PDE1C: variants seen among roughly 807,000 people sequenced by gnomAD.
PDE1C encodes dual specificity calcium/calmodulin-dependent 3',5'-cyclic nucleotide phosphodiesterase 1C.
In PDE1C, 62 loss-of-function variants were observed where a neutral mutation model predicts 93.1. The observed-to-expected ratio is 0.67, with a 90% confidence interval of 0.54 to 0.82. The LOEUF (loss-of-function observed/expected upper bound fraction) is 0.82, where lower values mean the gene tolerates loss of function less well. Among genes scored for constraint, PDE1C ranks in the 40% least tolerant of loss-of-function variants. The probability of loss-of-function intolerance (pLI) is 0.00; values close to 1 mark genes in which losing one functional copy is unlikely to be tolerated. For synonymous variants in PDE1C, 325 were observed against 310.1 expected (o/e 1.05, Z -0.50); for missense variants, 742 against 884.6 (o/e 0.84, Z 2.04).
intron 3 of PDE1C, among the ~76,000 whole-genome samples, chr7:32,125,376 C>A (rs537668652): frequency 6.6e-6 from 1 of 152,082 alleles, no homozygotes; most frequent in Non-Finnish European, 1.5e-5. Context: ...GGGTATATAC[C>A]CAAAAGAATA....
chr7:31,928,380 T>C (rs563309527), intron 2 of PDE1C, among the ~76,000 whole-genome samples: 22 of 152,142 alleles, frequency 1.4e-4, no homozygotes, highest in African/African-American at 5.3e-4. Context: ...TCCAGGAGAA[T>C]TTCCCCAACC....
chr7:32,240,886 G>A (rs537930954), intron 1 of PDE1C, among the ~76,000 whole-genome samples: 4 of 152,196 alleles, frequency 2.6e-5, no homozygotes, highest in Admixed American at 6.5e-5. Flanking sequence ...AAAAAGGAGA[G>A]CTGAAGGTGG....
intron 1 of PDE1C, among the ~76,000 whole-genome samples, chr7:32,376,945 C>T (rs1784442712): frequency 6.6e-6 from 1 of 152,118 alleles, no homozygotes; most frequent in African/African-American, 2.4e-5. Context: ...CCTCGGCCTC[C>T]CACAGTGCTG....
At chr7:31,673,913 G>T in the PDE1C span, among the ~76,000 whole-genome samples, 3,053 of 152,244 alleles carry the variant, frequency 0.02, 43 homozygotes, top group Middle Eastern at 0.054. Flanking sequence ...AACTGGGGAA[G>T]GGCAGGTAGT....
At chr7:31,773,648 A>G (rs965941199) in intron 17 of PDE1C, among the ~76,000 whole-genome samples, 5 of 152,098 alleles carry the variant, frequency 3.3e-5, no homozygotes, top group African/African-American at 1.2e-4. Context: ...GTTGAAACAA[A>G]TCCAAACTTT....
intron 1 of PDE1C, among the ~76,000 whole-genome samples, chr7:32,349,700 G>A (rs1270633091): frequency 2.0e-5 from 3 of 151,990 alleles, no homozygotes; most frequent in Non-Finnish European, 4.4e-5. Context: ...CACAATCTTG[G>A]GTCACTGCAA....
At chr7:32,090,996 A>T (rs1263146263) in intron 3 of PDE1C, among the ~76,000 whole-genome samples, 1 of 152,270 alleles carries the variant, frequency 6.6e-6, no homozygotes, top group Non-Finnish European at 1.5e-5. Context: ...TTTAATGAGC[A>T]CCAAATATAT....
chr7:32,205,695 G>C (rs759030192), intron 2 of PDE1C, among the ~76,000 whole-genome samples: 24 of 152,088 alleles, frequency 1.6e-4, no homozygotes, highest in Non-Finnish European at 2.8e-4. Flanking sequence ...TGGCTTTTTA[G>C]GTCTGCACTA....
chr7:31,834,426 C>T (rs1483280338), intron 11 of PDE1C, among the ~76,000 whole-genome samples: 2 of 152,144 alleles, frequency 1.3e-5, no homozygotes, highest in Non-Finnish European at 2.9e-5. Context: ...CCCAGGAAAG[C>T]AGTCAGGAGG....
chr7:32,072,843 T>C (rs1796141089), upstream of PDE1C, among the ~76,000 whole-genome samples: 2 of 152,338 alleles, frequency 1.3e-5, no homozygotes, highest in East Asian at 3.9e-4. Context: ...CCTTATCCTA[T>C]ACAAATACAT....
intron 2 of PDE1C, among the ~76,000 whole-genome samples, chr7:32,185,714 T>G (rs1180867568): frequency 6.6e-6 from 1 of 152,220 alleles, no homozygotes; most frequent in Non-Finnish European, 1.5e-5. Context: ...GTCTACTTTC[T>G]AGAGCTCTTC....
At chr7:32,027,581 GA>G (rs113717905) in intron 2 of PDE1C, among the ~76,000 whole-genome samples, 987 of 98,184 alleles carry the variant, frequency 0.01, 15 homozygotes, top group African/African-American at 0.038. Context: ...TGCAAAGGCA[GA>G]AAAAAAAAAA....
chr7:32,121,813 C>T (rs1293908229), intron 3 of PDE1C, among the ~76,000 whole-genome samples: 1 of 152,188 alleles, frequency 6.6e-6, no homozygotes, highest in Non-Finnish European at 1.5e-5. Flanking sequence ...ACTGCATCAA[C>T]TAGTGTGCAA....
At chr7:31,646,167 A>T in the PDE1C span, among the ~76,000 whole-genome samples, 13 of 152,326 alleles carry the variant, frequency 8.5e-5, no homozygotes, top group African/African-American at 3.1e-4. Flanking sequence ...TGTTAAAAAT[A>T]ACAAAATTGT....
At position 32,068,400 on chromosome 7, in the gene PDE1C, AAAGAAG is replaced by A. The variant is rs80277962; in HGVS notation, c.101+1887_101+1892del. ...ATTCTAGCACTGCTGTTATGTTTAA[AAAGAAG>A]AAGAAGAAGAAGTGGTAAGGATCAC... On this transcript the variant is annotated intron_variant, in intron 1 of 17. Coordinates refer to ENST00000396191, the MANE Select transcript of PDE1C (RefSeq NM_001191057.4). 5.3e-5 allele frequency among the ~76,000 whole-genome samples: 8 copies of A among 152,080 alleles called. No individual in the cohort carries two copies. The South Asian group carries it at 6.2e-4, about 12-fold the overall frequency.
Position 31,828,367 on chromosome 7 carries a change from T to C in PDE1C, c.1210A>G (p.Arg404Gly). Residue 404 changes from arginine to glycine, a missense_variant, in exon 12 of 18, where the codon AGA becomes GGA. By Grantham distance (125) the Arg-to-Gly change is moderately radical. Around this residue, in one of 4 missense-constraint regions of PDE1C, gnomAD observed 454 missense variants for 459.4 expected, o/e 0.99. Coordinates refer to ENST00000396191, the MANE Select transcript of PDE1C (RefSeq NM_001191057.4). Reference sequence around the variant, plus strand: ...AAAGGCAGCCCCAGCTCTGCTTCTCTGTCACCCTGGAAAAATAAAAGGTCA... The same window carrying C: ...AAAGGCAGCCCCAGCTCTGCTTCTCCGTCACCCTGGAAAAATAAAAGGTCA... ...LLEEFFRQGD[R>G]EAELGLPFSP... The C allele has an allele frequency of 6.2e-7, 1 of 1,612,026 alleles. No individual in the cohort carries two copies. Among genetic ancestry groups the C allele is most frequent in the Non-Finnish European group, 8.5e-7 (1 of 1,178,552 alleles).
intron 17 of PDE1C, among the ~76,000 whole-genome samples, chr7:31,759,099 A>G (rs1414112710): frequency 6.6e-6 from 1 of 152,226 alleles, no homozygotes; most frequent in African/African-American, 2.4e-5. Flanking sequence ...GGAAATACTT[A>G]TATGGCTGCT....
chr7:31,861,252 T>G (rs368228116), intron 7 of PDE1C, among the ~76,000 whole-genome samples: 4 of 152,270 alleles, frequency 2.6e-5, no homozygotes, highest in African/African-American at 9.6e-5. Flanking sequence ...TGGCCACTCT[T>G]TTTTAGTTTC....
At chr7:31,980,541 G>C (rs1328121862) in intron 2 of PDE1C, among the ~76,000 whole-genome samples, 1 of 152,166 alleles carries the variant, frequency 6.6e-6, no homozygotes, top group African/African-American at 2.4e-5. Context: ...ATCACAAGCA[G>C]GTTCTCACTC....
Sources: gnomAD v4.1 joint callset for allele counts (sites outside exome capture counted in the v4.1 genomes callset) on GRCh38, gnomAD v4.1.1 for gene constraint, gnomAD v4.1.1 regional missense constraint, MANE v1.5 for transcripts, NCBI Gene and HGNC (gene_info 2026-07-23, HGNC 2026-07-21) for gene names.